DLGAP2: variants seen among roughly 807,000 people sequenced by gnomAD.
The protein encoded by DLGAP2 is disks large-associated protein 2.
A neutral mutation model predicts 100.3 loss-of-function variants in DLGAP2; 26 were observed. That is an observed-to-expected ratio of 0.26 (90% CI 0.19 to 0.36). DLGAP2 has a LOEUF of 0.36. Among genes scored for constraint, DLGAP2 ranks in the 10% least tolerant of loss-of-function variants. The pLI is 1.00. For synonymous variants in DLGAP2, 886 were observed against 630.1 expected (o/e 1.41, Z -6.08); for missense variants, 1,858 against 1,453.2 (o/e 1.28, Z -4.53).
intron 2 of DLGAP2, among the ~76,000 whole-genome samples, chr8:1,074,768 A>T (rs1803551427): frequency 6.6e-6 from 1 of 152,194 alleles, no homozygotes; most frequent in African/African-American, 2.4e-5. Context: ...TTTAGAAGTC[A>T]TCTGGTGTAT....
chr8:1,313,869 C>G (rs1800668306), intron 3 of DLGAP2, among the ~76,000 whole-genome samples: 1 of 152,144 alleles, frequency 6.6e-6, no homozygotes, highest in Non-Finnish European at 1.5e-5. Context: ...TCAGCAGCAT[C>G]AAAGACTAAG....
At chr8:1,261,729 T>A in intron 3 of DLGAP2, among the ~76,000 whole-genome samples, 1 of 152,224 alleles carries the variant, frequency 6.6e-6, no homozygotes, top group Non-Finnish European at 1.5e-5. Context: ...GCTTTAGTTT[T>A]CCCAAAGCAC....
intron 2 of DLGAP2, among the ~76,000 whole-genome samples, chr8:973,287 G>A (rs28627282): frequency 0.35 from 51,862 of 149,080 alleles, 11,213 homozygotes; most frequent in Admixed American, 0.53. Flanking sequence ...GCAGCTGGCC[G>A]GGCGGGGGCT....
chr8:1,085,890 C>T (rs1803959514), intron 2 of DLGAP2, among the ~76,000 whole-genome samples: 2 of 152,140 alleles, frequency 1.3e-5, no homozygotes, highest in Non-Finnish European at 2.9e-5. Context: ...TATTTCAATC[C>T]ATGAACACAG....
At chr8:921,835 C>G (rs1798722221) in intron 2 of DLGAP2, among the ~76,000 whole-genome samples, 1 of 152,250 alleles carries the variant, frequency 6.6e-6, no homozygotes, top group Non-Finnish European at 1.5e-5. Context: ...GGGCCAGGGT[C>G]CTCACCCACC....
intron 4 of DLGAP2, among the ~76,000 whole-genome samples, chr8:1,533,380 C>T (rs1359287434): frequency 1.3e-5 from 2 of 151,736 alleles, no homozygotes; most frequent in Non-Finnish European, 2.9e-5. Context: ...GTGGCGGGCA[C>T]CTGTAGTCCG....
intron 3 of DLGAP2, among the ~76,000 whole-genome samples, chr8:1,283,860 G>T (rs115627081): frequency 6.6e-5 from 10 of 152,256 alleles, no homozygotes; most frequent in African/African-American, 2.4e-4. Flanking sequence ...TACATCGTTC[G>T]TGGGATACAA....
At chr8:816,422 G>A (rs1796482490) in intron 1 of DLGAP2, among the ~76,000 whole-genome samples, 1 of 152,062 alleles carries the variant, frequency 6.6e-6, no homozygotes, top group Non-Finnish European at 1.5e-5. Flanking sequence ...GCTTGGTAGT[G>A]GGGAATTCTC....
chr8:1,470,228 G>A (rs909321747), intron 3 of DLGAP2, among the ~76,000 whole-genome samples: 4 of 152,036 alleles, frequency 2.6e-5, no homozygotes, highest in East Asian at 1.9e-4. Flanking sequence ...GCTTCACTCC[G>A]CTGTCTCGCT....
chr8:1,492,405 T>C (rs1462476781), intron 3 of DLGAP2, among the ~76,000 whole-genome samples: 3 of 152,128 alleles, frequency 2.0e-5, no homozygotes, highest in African/African-American at 7.2e-5. Context: ...TCTGTAAAAG[T>C]AAACTTTTCA....
At chr8:1,159,445 C>T (rs886645112) in intron 2 of DLGAP2, among the ~76,000 whole-genome samples, 3 of 152,172 alleles carry the variant, frequency 2.0e-5, no homozygotes, top group East Asian at 1.9e-4. Flanking sequence ...TATCGTATGT[C>T]GACAATTAAT....
chr8:1,167,567 A>G (rs1260893274), intron 2 of DLGAP2, among the ~76,000 whole-genome samples: 1 of 152,190 alleles, frequency 6.6e-6, no homozygotes, highest in Non-Finnish European at 1.5e-5. Flanking sequence ...CTTTAATCAG[A>G]TGATCATAAG....
chr8:845,145 G>A (rs1181505837), intron 1 of DLGAP2, among the ~76,000 whole-genome samples: 7 of 152,126 alleles, frequency 4.6e-5, no homozygotes, highest in Non-Finnish European at 1.0e-4. Context: ...AACTTTTTGC[G>A]TGAACATATG....
intron 3 of DLGAP2, among the ~76,000 whole-genome samples, chr8:1,265,892 A>G (rs981099414): frequency 3.3e-5 from 5 of 152,340 alleles, no homozygotes; most frequent in Middle Eastern, 3.4e-3. Flanking sequence ...ATACAACACA[A>G]AGCACATGGT....
chr8:813,206 G>A (rs974656511), intron 1 of DLGAP2, among the ~76,000 whole-genome samples: 1 of 151,580 alleles, frequency 6.6e-6, no homozygotes, highest in East Asian at 1.9e-4. Flanking sequence ...AACCTATTGT[G>A]ATCTACAGTT....
chr8:1,287,917 A>G (rs1799977050), intron 3 of DLGAP2, among the ~76,000 whole-genome samples: 1 of 112,710 alleles, frequency 8.9e-6, no homozygotes, highest in Admixed American at 9.9e-5. Flanking sequence ...TTTTGTTAGG[A>G]GGGGAACTAG....
chr8:1,355,522 G>T (rs1801828302), intron 3 of DLGAP2, among the ~76,000 whole-genome samples: 1 of 151,746 alleles, frequency 6.6e-6, no homozygotes, highest in Non-Finnish European at 1.5e-5. Flanking sequence ...GTGCCACCAT[G>T]CTTGGCTAAT....
chr8:1,514,498 G>A (rs1340907385), intron 4 of DLGAP2, among the ~76,000 whole-genome samples: 20 of 152,244 alleles, frequency 1.3e-4, no homozygotes, highest in Admixed American at 1.3e-3. Flanking sequence ...AATATAAAAG[G>A]AAATAATATG....
rs376672907 is a variant in DLGAP2 at position 1,346,352 on chromosome 8, C to T, written c.106+87469C>T. Among the ~76,000 whole-genome samples the T allele has an allele frequency of 3.5e-3, 497 of 141,798 alleles. 4 individuals carry two copies. Among genetic ancestry groups the T allele is most frequent in the African/African-American group, 0.013 (472 of 37,582 alleles). The allele number at this position is 141,798 out of a possible 152,430, so 93.0% of individuals were successfully genotyped here. ...TTCCCATACACATCTGCATTGCTCTCATGGCGGCTGTGTGGAGTTTGAGTT... is the reference window on the plus strand; with the variant it reads ...TTCCCATACACATCTGCATTGCTCTTATGGCGGCTGTGTGGAGTTTGAGTT... On this transcript the variant is annotated intron_variant, in intron 3 of 14. Transcript: ENST00000637795.
Sources: allele counts gnomAD v4.1 joint callset (sites outside exome capture counted in the v4.1 genomes callset), GRCh38; gene constraint gnomAD v4.1.1; transcripts MANE v1.5; gene names NCBI Gene and HGNC (gene_info 2026-07-23, HGNC 2026-07-21).